RIC1: variants seen among roughly 807,000 people sequenced by gnomAD.
The protein encoded by RIC1 is RIC1 partner of RAB6A GEF complex, also known as guanine nucleotide exchange factor subunit RIC1.
RIC1 carries 88 observed loss-of-function variants against 169.0 expected under a neutral mutation model. That is an observed-to-expected ratio of 0.52 (90% CI 0.44 to 0.62). The LOEUF is 0.62. RIC1 is among the 20% of genes least tolerant of loss of function. The probability of loss-of-function intolerance (pLI) is 0.00; values close to 1 mark genes in which losing one functional copy is unlikely to be tolerated. For missense variants in RIC1, 1,877 were observed against 1,725.5 expected (o/e 1.09, Z -1.56); for synonymous variants, 790 against 601.5 (o/e 1.31, Z -4.59).
At position 5,745,981 on chromosome 9, in the gene RIC1, T is replaced by C; in HGVS notation, c.1146T>C (p.Ser382=). Reference sequence around the variant, plus strand: ...TATGGGTAATCAGCGGATTTGGTTCTCAAAACACTGAAATTGAGTCTGACC... The same window carrying C: ...TATGGGTAATCAGCGGATTTGGTTCCCAAAACACTGAAATTGAGTCTGACC... ...YHLWVISGFG[S]QNTEIESDLR... is the part of the protein sequence containing the mutation. Residue 382 remains serine (S), a synonymous_variant, in exon 11 of 26, where the codon TCT becomes TCC. Transcript: ENST00000414202. 1 of 1,613,758 alleles carries C rather than the reference T, an allele frequency of 6.2e-7. No homozygotes were observed. Among genetic ancestry groups the C allele is most frequent in the Non-Finnish European group, 8.5e-7 (1 of 1,179,690 alleles).
At chr9:5,629,475 C>A in intron 1 of RIC1, 22 bp downstream of exon 1, 2 of 1,523,992 alleles carry the variant, frequency 1.3e-6, no homozygotes, top group Non-Finnish European at 1.8e-6. Context: ...CGCCCGCCGC[C>A]TTTCGCCGCT....
intron 8 of RIC1, 53 bp from the exon 9 acceptor site, chr9:5,742,816 A>G: frequency 1.4e-6 from 2 of 1,479,582 alleles, no homozygotes; most frequent in Non-Finnish European, 9.2e-7. Context: ...AAAAAAAACA[A>G]GTATTTCTGA....
chr9:5,683,922 G>C (rs967605037), intron 2 of RIC1, among the ~76,000 whole-genome samples: 1 of 152,160 alleles, frequency 6.6e-6, no homozygotes, highest in Admixed American at 6.5e-5. Context: ...GCGAGGCTCC[G>C]TGGGCATAGG....
intron 3 of RIC1, among the ~76,000 whole-genome samples, chr9:5,695,469 GTA>G (rs972316970): frequency 3.3e-5 from 5 of 151,486 alleles, no homozygotes; most frequent in African/African-American, 1.2e-4. Flanking sequence ...ATCCAGTCTA[GTA>G]TATTCTACCT....
At chr9:5,733,339 C>A (rs976801391) in intron 7 of RIC1, among the ~76,000 whole-genome samples, 1 of 151,160 alleles carries the variant, frequency 6.6e-6, no homozygotes, top group African/African-American at 2.4e-5. Context: ...TCTCAGCTCA[C>A]TGCAAGCTCC....
intron 6 of RIC1, among the ~76,000 whole-genome samples, chr9:5,732,007 G>A (rs924799616): frequency 6.6e-6 from 1 of 152,190 alleles, no homozygotes; most frequent in Non-Finnish European, 1.5e-5. Context: ...AATACTATGT[G>A]CTAGGTGATG....
chr9:5,688,846 G>A (rs1356964379), intron 2 of RIC1, among the ~76,000 whole-genome samples: 2 of 152,056 alleles, frequency 1.3e-5, no homozygotes, highest in African/African-American at 4.8e-5. Context: ...TAGGAATTCA[G>A]TATTACTGTA....
intron 22 of RIC1, 127 bp downstream of exon 22, chr9:5,769,383 A>C: frequency 6.3e-7 from 1 of 1,596,422 alleles, no homozygotes; most frequent in Non-Finnish European, 8.5e-7. Flanking sequence ...ATAAAAGCCA[A>C]CTTTTTGTAC....
chr9:5,757,472 G>T lies in RIC1; in HGVS notation c.1992+21G>T, dbSNP rs776864126. ...AGCAGGTACCACTCCATTATCAAAG[G>T]TCTTTGGAGTTTACATTTCTGTTTT... On this transcript the variant is annotated intron_variant, in intron 17 of 25. Coordinates refer to ENST00000414202, the MANE Select transcript of RIC1 (RefSeq NM_020829.4). The T allele has an allele frequency of 3.1e-6, 5 of 1,612,150 alleles. No homozygotes were observed. In the South Asian group the frequency reaches 4.4e-5, roughly 14 times the overall value.
chr9:5,772,793 G>A, intron 24 of RIC1, 52 bp downstream of exon 24: 2 of 1,563,896 alleles, frequency 1.3e-6, no homozygotes, highest in East Asian at 2.3e-5. Context: ...GAGTATTTGG[G>A]CAAATAGGTA....
Position 5,757,457 on chromosome 9 carries a change from A to C in RIC1, c.1992+6A>C. 6.2e-7 allele frequency: 1 copy of C among 1,613,578 alleles called. No homozygotes were observed. Among genetic ancestry groups the C allele is most frequent in the East Asian group, 2.2e-5 (1 of 44,834 alleles). ...CCTTGAAAATGCCACAGCAGGTACCACTCCATTATCAAAGGTCTTTGGAGT... is the reference window on the plus strand; with the variant it reads ...CCTTGAAAATGCCACAGCAGGTACCCCTCCATTATCAAAGGTCTTTGGAGT... On this transcript the variant is annotated splice_donor_region_variant and intron_variant, in intron 17 of 25. Coordinates refer to ENST00000414202, the MANE Select transcript of RIC1 (RefSeq NM_020829.4).
chr9:5,753,142 G>A, intron 12 of RIC1, 58 bp from the exon 13 acceptor site: 2 of 1,456,138 alleles, frequency 1.4e-6, no homozygotes, highest in Non-Finnish European at 9.6e-7. Context: ...ATAACTTAAT[G>A]CTTTAAGTTT....
In RIC1 at chr9:5,774,341, A is replaced by C. The variant is rs1827458014; in HGVS notation, c.*95A>C. 9.2e-7 allele frequency: 1 copy of C among 1,082,886 alleles called. No homozygotes were observed. Among genetic ancestry groups the C allele is most frequent in the African/African-American group, 1.6e-5 (1 of 64,294 alleles). The allele number at this position is 1,082,886 out of a possible 1,614,324, so 67.1% of individuals were successfully genotyped here. ...GTTGGATGATTTAACAGGAGAACTC[A>C]GTTCAGAGACTCTTCGGTAAGTATT... On this transcript the variant is annotated 3_prime_UTR_variant, in exon 26 of 26. Transcript: ENST00000414202.
At chr9:5,702,085 G>A (rs975314694) in intron 3 of RIC1, among the ~76,000 whole-genome samples, 2 of 152,142 alleles carry the variant, frequency 1.3e-5, no homozygotes, top group African/African-American at 4.8e-5. Context: ...TTTTTTCCCA[G>A]TCTGAAGCTC....
At chr9:5,682,520 A>C (rs567148662) in intron 2 of RIC1, among the ~76,000 whole-genome samples, 1 of 152,282 alleles carries the variant, frequency 6.6e-6, no homozygotes, top group Admixed American at 6.5e-5. Flanking sequence ...GTTTCTGCCA[A>C]GAGATCGGCT....
Position 5,679,038 on chromosome 9 carries a change from G to C in RIC1, c.253-10921G>C, listed in dbSNP as rs942773658. 3.9e-5 allele frequency among the ~76,000 whole-genome samples: 6 copies of C among 152,064 alleles called. No homozygotes were observed. In the East Asian group the frequency reaches 7.7e-4, roughly 19 times the overall value. ...ATTTTTGTATAAGGTATAAGGAAGG[G>C]ATCCAGTTTCAGCTTTCTACATATG... On this transcript the variant is annotated intron_variant, in intron 2 of 25. Coordinates refer to ENST00000414202, the MANE Select transcript of RIC1 (RefSeq NM_020829.4).
At chr9:5,753,329 GAAAAAT>G (rs2131037369) in intron 13 of RIC1, 91 bp downstream of exon 13, 1 of 1,161,652 alleles carries the variant, frequency 8.6e-7, no homozygotes, top group African/African-American at 1.5e-5. Context: ...GGTGTACTGA[GAAAAAT>G]AAAACTCTTG....
At chr9:5,711,865 G>A (rs1487413501) in intron 3 of RIC1, among the ~76,000 whole-genome samples, 4 of 152,056 alleles carry the variant, frequency 2.6e-5, no homozygotes, top group Non-Finnish European at 5.9e-5. Context: ...TGAGAATGAT[G>A]GTTTCCAGCT....
chr9:5,774,203 A>G lies in RIC1; in HGVS notation c.4229A>G (p.Glu1410Gly). 1 of 1,613,668 alleles carries G rather than the reference A, an allele frequency of 6.2e-7. No individual in the cohort carries two copies. The change falls in exon 26 of 26, where the codon GAA becomes GGA. Residue 1410 changes from glutamate (E) to glycine (G), a missense_variant. Glu to Gly is a moderately conservative substitution (Grantham distance 98). Around this residue, in one of 3 missense-constraint regions of RIC1, gnomAD observed 681 missense variants for 582.0 expected, o/e 1.17. Transcript: ENST00000414202. ...KEEDTAQAEE[E>G]EPFQDGTYDC... ...GAGGACACAGCCCAAGCAGAGGAGGAAGAACCTTTTCAGGATGGGACTTAC... is the reference window on the plus strand; with the variant it reads ...GAGGACACAGCCCAAGCAGAGGAGGGAGAACCTTTTCAGGATGGGACTTAC...
Sources: allele counts gnomAD v4.1 joint callset (sites outside exome capture counted in the v4.1 genomes callset), GRCh38; gene constraint gnomAD v4.1.1; regional missense constraint gnomAD v4.1.1; transcripts MANE v1.5; gene names NCBI Gene and HGNC (gene_info 2026-07-23, HGNC 2026-07-21).